Variants in R3HCC1L observed in about 807,000 individuals in gnomAD.
R3HCC1L encodes the protein R3H domain and coiled-coil containing 1 like, also known as coiled-coil domain-containing protein R3HCC1L.
R3HCC1L carries 51 observed loss-of-function variants against 59.9 expected under a neutral mutation model. That is an observed-to-expected ratio of 0.85 (90% confidence interval 0.68 to 1.07). The LOEUF is 1.07. R3HCC1L is among the 50% of genes least tolerant of loss of function. The probability of loss-of-function intolerance (pLI) is 0.00; values close to 1 mark genes in which losing one functional copy is unlikely to be tolerated. For missense variants in R3HCC1L, 965 were observed against 933.0 expected, an observed-to-expected ratio of 1.03 and a Z score of -0.45; for synonymous variants, 322 against 315.2, an observed-to-expected ratio of 1.02 and a Z score of -0.23.
intron 1 of R3HCC1L, among the ~76,000 whole-genome samples, chr10:98,150,414 C>T (rs1176028838): frequency 1.3e-5 from 2 of 151,920 alleles, no homozygotes; most frequent in Non-Finnish European, 2.9e-5. Context: ...TTTCTTTTGG[C>T]CTTGTTTTCT....
intron 4 of R3HCC1L, among the ~76,000 whole-genome samples, chr10:98,199,634 C>G (rs1851825896): frequency 6.6e-6 from 1 of 151,726 alleles, no homozygotes; most frequent in East Asian, 1.9e-4. Flanking sequence ...GGAATATACA[C>G]TTAAGAGAAA....
intron 1 of R3HCC1L, among the ~76,000 whole-genome samples, chr10:98,149,120 C>G (rs1287288721): frequency 2.0e-5 from 3 of 152,104 alleles, no homozygotes; most frequent in African/African-American, 7.2e-5. Context: ...AGGAATTTAT[C>G]CATTTCTTCC....
At chr10:98,207,893 G>T (rs1310394559) in intron 4 of R3HCC1L, among the ~76,000 whole-genome samples, 3 of 152,074 alleles carry the variant, frequency 2.0e-5, no homozygotes, top group Non-Finnish European at 4.4e-5. Context: ...AGGCATGGTG[G>T]CATGTGTCTG....
chr10:98,187,652 T>C (rs1307723365), intron 4 of R3HCC1L, among the ~76,000 whole-genome samples: 1 of 151,828 alleles, frequency 6.6e-6, no homozygotes, highest in African/African-American at 2.4e-5. Flanking sequence ...ATATGTATCA[T>C]ATATACAAAT....
Position 98,161,248 on chromosome 10 carries a change from A to G in R3HCC1L, c.-212-1635A>G, listed in dbSNP as rs576262443. Among the ~76,000 whole-genome samples, 9 of 152,244 alleles carry G rather than the reference A, an allele frequency of 5.9e-5. No individual in the cohort carries two copies. The South Asian group carries it at 1.2e-3, about 21-fold the overall frequency. ...TAGGTAAGAAATAGTATCTCAATATAGTTTTAATGTTTGTTTCTCTTGTTA... is the reference window on the plus strand; with the variant it reads ...TAGGTAAGAAATAGTATCTCAATATGGTTTTAATGTTTGTTTCTCTTGTTA... On this transcript the variant is annotated intron_variant, in intron 2 of 9. Transcript: ENST00000298999.
At chr10:98,206,134 T>C (rs909353087) in intron 4 of R3HCC1L, among the ~76,000 whole-genome samples, 2 of 152,172 alleles carry the variant, frequency 1.3e-5, no homozygotes, top group Non-Finnish European at 2.9e-5. Context: ...GCAAGAATTA[T>C]ACCTTTAGTT....
At chr10:98,157,994 T>C (rs1267633736) in intron 2 of R3HCC1L, among the ~76,000 whole-genome samples, 3 of 152,242 alleles carry the variant, frequency 2.0e-5, no homozygotes, top group Non-Finnish European at 4.4e-5. Flanking sequence ...TATACCTTCC[T>C]TGATTGTGAG....
chr10:98,244,141 G>C lies in R3HCC1L; in HGVS notation c.2320G>C (p.Asp774His). 1 of 1,613,968 alleles carries C rather than the reference G, an allele frequency of 6.2e-7. No homozygotes were observed. The highest frequency in any genetic ancestry group is 8.5e-7 in the Non-Finnish European group (1 of 1,179,862). ...ACGGGAAGACATCTGGGAAGGCAGA[G>C]ACCAGTCTACAGTTTGAACATCACT... ...KQREDIWEGR[D>H]QSTV The change falls in exon 10 of 10, where the codon GAC becomes CAC. Residue 774 changes from aspartate to histidine, a missense_variant. Asp to His is a moderately conservative substitution (Grantham distance 81). Transcript: ENST00000298999.
chr10:98,193,280 C>T (rs948192001), intron 4 of R3HCC1L, among the ~76,000 whole-genome samples: 6 of 151,250 alleles, frequency 4.0e-5, no homozygotes, highest in East Asian at 3.9e-4. Context: ...AGCAGTTAGA[C>T]GAGAAAAAGA....
At chr10:98,163,858 T>C (rs1291840650) in intron 4 of R3HCC1L, among the ~76,000 whole-genome samples, 1 of 152,212 alleles carries the variant, frequency 6.6e-6, no homozygotes, top group Non-Finnish European at 1.5e-5. Flanking sequence ...AATAATGTTA[T>C]TAAATAACTT....
intron 5 of R3HCC1L, chr10:98,211,354 A>G (rs1411961080): frequency 4.6e-6 from 7 of 1,533,344 alleles, no homozygotes; most frequent in Non-Finnish European, 5.2e-6. Context: ...CAAAGGTAAT[A>G]CACTTAAATC....
At position 98,209,814 on chromosome 10, in the gene R3HCC1L, CAG is replaced by C; in HGVS notation, c.1703_1704del (p.Glu568GlyfsTer6). The stretch of plus-strand genomic sequence containing the variant: ...CCAAAAGCAACTGAAACTTCTCACA[CAG>C]AGGGAATTACTGCCATTGAGGAGAG... On this transcript the variant is annotated frameshift_variant, in exon 5 of 10. Transcript: ENST00000298999. LOFTEE classifies it high-confidence loss of function. The C allele has an allele frequency of 6.2e-7, 1 of 1,613,860 alleles. No individual in the cohort carries two copies. Among genetic ancestry groups the C allele is most frequent in the Non-Finnish European group, 8.5e-7 (1 of 1,179,828 alleles).
chr10:98,176,399 T>C (rs756340582), intron 4 of R3HCC1L, among the ~76,000 whole-genome samples: 6 of 152,238 alleles, frequency 3.9e-5, no homozygotes, highest in Middle Eastern at 3.2e-3. Context: ...GATCTTTCTT[T>C]CGATTTTTGA....
chr10:98,204,974 T>C (rs972341585), intron 4 of R3HCC1L, among the ~76,000 whole-genome samples: 1 of 152,150 alleles, frequency 6.6e-6, no homozygotes, highest in African/African-American at 2.4e-5. Context: ...TCTCCTTTTT[T>C]GTGTCTGTGA....
intron 5 of R3HCC1L, among the ~76,000 whole-genome samples, chr10:98,226,864 T>C (rs150771646): frequency 9.2e-5 from 14 of 152,364 alleles, no homozygotes; most frequent in African/African-American, 3.1e-4. Context: ...CTTCCAGTGG[T>C]CTGCCAAAGG....
intron 8 of R3HCC1L, 75 bp downstream of exon 8, chr10:98,235,595 CAGACATCT>C: frequency 8.8e-7 from 1 of 1,134,340 alleles, no homozygotes; most frequent in Non-Finnish European, 1.3e-6. Flanking sequence ...TTATAGCATC[CAGACATCT>C]AAAGACATAT....
At chr10:98,160,833 GTTA>G (rs1159864948) in intron 2 of R3HCC1L, among the ~76,000 whole-genome samples, 2 of 152,076 alleles carry the variant, frequency 1.3e-5, no homozygotes, top group South Asian at 4.1e-4. Context: ...GATTCCACCA[GTTA>G]TCCTTCATGT....
At chr10:98,185,047 CTTTGT>C (rs977038116) in intron 4 of R3HCC1L, among the ~76,000 whole-genome samples, 22 of 152,144 alleles carry the variant, frequency 1.4e-4, no homozygotes, top group African/African-American at 5.3e-4. Flanking sequence ...CCATCTTTTA[CTTTGT>C]TTTAATGGTG....
At position 98,209,852 on chromosome 10, in the gene R3HCC1L, A is replaced by T; in HGVS notation, c.1738A>T (p.Met580Leu). Residue 580 changes from methionine (M) to leucine (L), a missense_variant, in exon 5 of 10, where the codon ATG (methionine) becomes TTG (leucine). Transcript: ENST00000298999. ...ITAIEESWESMFNDDGDCLDP... is the reference protein window; with the variant it reads ...ITAIEESWESLFNDDGDCLDP... Reference sequence around the variant, plus strand: ...TGCCATTGAGGAGAGCTGGGAGTCTATGTTTAACGATGATGGTGACTGCCT... The same window carrying T: ...TGCCATTGAGGAGAGCTGGGAGTCTTTGTTTAACGATGATGGTGACTGCCT... The T allele has an allele frequency of 6.2e-7, 1 of 1,613,628 alleles. No individual in the cohort carries two copies.
Sources: allele counts gnomAD v4.1 joint callset (sites outside exome capture counted in the v4.1 genomes callset), GRCh38; gene constraint gnomAD v4.1.1; transcripts MANE v1.5; gene names NCBI Gene and HGNC (gene_info 2026-07-23, HGNC 2026-07-21).